WDR41: variants seen among roughly 807,000 people sequenced by gnomAD.
WDR41 encodes the protein WD repeat domain 41, also known as WD repeat-containing protein 41.
WDR41 carries 63 observed loss-of-function variants against 69.3 expected under a neutral mutation model. The ratio of observed to expected loss-of-function variants is 0.91; its 90% CI spans 0.74 to 1.12. The LOEUF (loss-of-function observed/expected upper bound fraction) is 1.12, where lower values mean the gene tolerates loss of function less well. WDR41 is among the 50% of genes most tolerant of loss of function. WDR41 has a pLI of 0.00. For missense variants in WDR41, 543 were observed against 534.5 expected, an observed-to-expected ratio of 1.02 and a Z score of -0.16; for synonymous variants, 185 against 192.1, an observed-to-expected ratio of 0.96 and a Z score of 0.31.
intron 1 of WDR41, among the ~76,000 whole-genome samples, chr5:77,584,143 T>C (rs758647787): frequency 4.6e-5 from 7 of 152,116 alleles, no homozygotes; most frequent in Admixed American, 6.5e-5. Context: ...ACCTCACTGG[T>C]GAAAGACTGG....
At chr5:77,562,366 G>A (rs996428095) in intron 1 of WDR41, among the ~76,000 whole-genome samples, 8 of 152,288 alleles carry the variant, frequency 5.3e-5, no homozygotes, top group East Asian at 3.9e-4. Flanking sequence ...CAGACTTGGC[G>A]AAAATAAGAA....
chr5:77,575,306 AATGAG>A (rs1743810858), intron 1 of WDR41, among the ~76,000 whole-genome samples: 1 of 152,234 alleles, frequency 6.6e-6, no homozygotes, highest in South Asian at 2.1e-4. Context: ...AGAACTTTGC[AATGAG>A]ATAATTTAGA....
intron 8 of WDR41, among the ~76,000 whole-genome samples, chr5:77,443,102 A>C (rs448293): frequency 0.56 from 85,216 of 151,660 alleles, 24,489 homozygotes; most frequent in African/African-American, 0.68. Flanking sequence ...CTGTTGCTAG[A>C]CAGGTGGTCT....
chr5:77,612,640 A>C, intron 1 of WDR41, among the ~76,000 whole-genome samples: 1 of 152,210 alleles, frequency 6.6e-6, no homozygotes, highest in East Asian at 1.9e-4. Context: ...GATGGGACAT[A>C]TCTCAAAATA....
intron 1 of WDR41, among the ~76,000 whole-genome samples, chr5:77,561,196 C>G (rs1265327894): frequency 6.6e-6 from 1 of 152,064 alleles, no homozygotes; most frequent in Non-Finnish European, 1.5e-5. Flanking sequence ...AAGCTTTTGC[C>G]TCATCCCCTC....
At chr5:77,475,075 G>C (rs1800842909) in intron 2 of WDR41, among the ~76,000 whole-genome samples, 2 of 152,138 alleles carry the variant, frequency 1.3e-5, no homozygotes, top group Admixed American at 1.3e-4. Flanking sequence ...TGGAAAATCG[G>C]GTCACTCCCA....
intron 8 of WDR41, among the ~76,000 whole-genome samples, chr5:77,444,006 G>A (rs1194109105): frequency 6.7e-6 from 1 of 149,764 alleles, no homozygotes; most frequent in Non-Finnish European, 1.5e-5. Flanking sequence ...TCAGCCTCCT[G>A]TGTAGCTGGG....
chr5:77,445,086 A>G (rs1213679221), intron 8 of WDR41, among the ~76,000 whole-genome samples: 3 of 152,196 alleles, frequency 2.0e-5, no homozygotes, highest in African/African-American at 4.8e-5. Context: ...ACAATAAAAG[A>G]TGATAAAGGG....
At chr5:77,603,914 TTC>T (rs991708560) in intron 1 of WDR41, among the ~76,000 whole-genome samples, 1 of 152,230 alleles carries the variant, frequency 6.6e-6, no homozygotes, top group Admixed American at 6.5e-5. Context: ...GGATTCTCTA[TTC>T]TGTTACATTG....
At position 77,436,382 on chromosome 5, in the gene WDR41, A is replaced by T; in HGVS notation, c.1106T>A (p.Met369Lys). 1 of 1,613,438 alleles carries T rather than the reference A, an allele frequency of 6.2e-7. No individual in the cohort carries two copies. The change falls in exon 12 of 13, where the codon ATG becomes AAG. Residue 369 changes from methionine to lysine, a missense_variant. Coordinates refer to ENST00000296679, the MANE Select transcript of WDR41 (RefSeq NM_018268.4). ...AEPVPTGFFN[M>K]WGFGRVSKQA... ...TTTGCTGACTCTTCCAAATCCCCAC[A>T]TGTTAAAAAAACCTAGAAAAAGAAT...
intron 9 of WDR41, among the ~76,000 whole-genome samples, chr5:77,439,918 T>C (rs561833979): frequency 1.3e-5 from 2 of 152,338 alleles, no homozygotes; most frequent in East Asian, 3.9e-4. Flanking sequence ...GTCTTTATCA[T>C]GTATATTTAA....
intron 1 of WDR41, among the ~76,000 whole-genome samples, chr5:77,502,941 T>C (rs900018680): frequency 1.3e-5 from 2 of 152,100 alleles, no homozygotes; most frequent in East Asian, 1.9e-4. Flanking sequence ...ATCAATGCTA[T>C]GAAGAAACTG....
intron 1 of WDR41, among the ~76,000 whole-genome samples, chr5:77,597,609 T>C (rs1170781887): frequency 6.6e-6 from 1 of 152,178 alleles, no homozygotes; most frequent in East Asian, 1.9e-4. Context: ...TATACCTCTT[T>C]ACGTATTTTG....
chr5:77,517,359 A>C (rs1198006662), intron 1 of WDR41, among the ~76,000 whole-genome samples: 1 of 152,132 alleles, frequency 6.6e-6, no homozygotes, highest in East Asian at 1.9e-4. Context: ...AGCAGATGCT[A>C]TAGTGACTAG....
chr5:77,442,614 C>T (rs557898306), intron 8 of WDR41, among the ~76,000 whole-genome samples: 21 of 151,822 alleles, frequency 1.4e-4, no homozygotes, highest in African/African-American at 2.7e-4. Context: ...TAAAAAAAGC[C>T]GGGTGCGGTG....
intron 1 of WDR41, among the ~76,000 whole-genome samples, chr5:77,601,067 C>A (rs1367477846): frequency 6.6e-6 from 1 of 151,572 alleles, no homozygotes; most frequent in Admixed American, 6.6e-5. Flanking sequence ...CACTAGAGTT[C>A]TGGAAGTTCA....
intron 1 of WDR41, among the ~76,000 whole-genome samples, chr5:77,504,020 T>A (rs1328814735): frequency 6.6e-6 from 1 of 151,380 alleles, no homozygotes; most frequent in East Asian, 1.9e-4. Context: ...AAGAAATGAC[T>A]AAGATCAGAG....
At chr5:77,601,098 G>A (rs995986516) in intron 1 of WDR41, among the ~76,000 whole-genome samples, 3 of 152,008 alleles carry the variant, frequency 2.0e-5, no homozygotes, top group African/African-American at 7.2e-5. Context: ...TATGGGAAAT[G>A]TTTCTCTTGA....
At chr5:77,566,348 TCGTTTAGGTCTC>T (rs1743627979) in intron 1 of WDR41, among the ~76,000 whole-genome samples, 1 of 152,198 alleles carries the variant, frequency 6.6e-6, no homozygotes, top group Non-Finnish European at 1.5e-5. Context: ...GTCCTGTATG[TCGTTTAGGTCTC>T]CCTGGGTCTC....
Sources: gnomAD v4.1 joint callset for allele counts (sites outside exome capture counted in the v4.1 genomes callset) on GRCh38, gnomAD v4.1.1 for gene constraint, MANE v1.5 for transcripts, NCBI Gene and HGNC (gene_info 2026-07-23, HGNC 2026-07-21) for gene names.